The following CD200 variants were observed in gnomAD, a reference collection of about 807,000 sequenced individuals.
CD200 encodes the protein CD200 molecule, also known as OX-2 membrane glycoprotein.
A neutral mutation model predicts 30.9 loss-of-function variants in CD200; 15 were observed. That is an observed-to-expected ratio of 0.49 (90% CI 0.32 to 0.75). The LOEUF is 0.75. Ranked by LOEUF, CD200 falls within the 30% of genes least tolerant of loss-of-function variation. CD200 has a pLI of 0.03. For synonymous variants in CD200, 134 were observed against 126.2 expected (o/e 1.06, Z -0.41); for missense variants, 262 against 324.2 (o/e 0.81, Z 1.47).
chr3:112,337,907 T>C lies in CD200; in HGVS notation c.13-2995T>C, dbSNP rs562288495. Among the ~76,000 whole-genome samples the C allele has an allele frequency of 1.4e-4, 22 of 152,322 alleles. No homozygotes were observed. The East Asian group carries it at 4.2e-3, about 29-fold the overall frequency. ...ATATCCTCCCATATATATAAACTCA[T>C]CTCTTGATTATTTATAATTTTAATA... On this transcript the variant is annotated intron_variant, in intron 1 of 5. Coordinates refer to ENST00000315711, the MANE Select transcript of CD200 (RefSeq NM_005944.7).
chr3:112,352,391 T>A (rs1194782609), intron 5 of CD200, among the ~76,000 whole-genome samples: 2 of 152,328 alleles, frequency 1.3e-5, no homozygotes, highest in East Asian at 3.9e-4. Flanking sequence ...ACTTTTCTTT[T>A]CTTTCTCTTT....
intron 3 of CD200, among the ~76,000 whole-genome samples, chr3:112,346,772 C>CTT (rs2081405285): frequency 6.6e-6 from 1 of 152,196 alleles, no homozygotes; most frequent in East Asian, 1.9e-4. Context: ...GACAAGTTTA[C>CTT]ATCTGCTTAG....
chr3:112,336,263 G>A (rs2081113453), intron 1 of CD200, among the ~76,000 whole-genome samples: 2 of 152,010 alleles, frequency 1.3e-5, no homozygotes, highest in African/African-American at 4.8e-5. Context: ...TTAAAATTGA[G>A]TGGCTCCCAT....
rs745900406 is a variant in CD200, at chr3:112,347,772, G to T, written c.636G>T (p.Val212=). ...CTAAGAATCAGGTGGGGAAGGAGGT[G>T]ATCTGCCAGGTGCTGCACCTGGGGA... ...KDPKNQVGKE[V]ICQVLHLGTV... Residue 212 remains valine (V), a synonymous_variant, in exon 4 of 6, where the codon GTG becomes GTT. Transcript: ENST00000315711. The T allele has an allele frequency of 1.2e-6, 2 of 1,613,918 alleles. No individual in the cohort carries two copies. Among genetic ancestry groups the T allele is most frequent in the Non-Finnish European group, 8.5e-7 (1 of 1,179,922 alleles).
At chr3:112,348,879 T>C (rs897637935) in intron 4 of CD200, among the ~76,000 whole-genome samples, 1 of 151,330 alleles carries the variant, frequency 6.6e-6, no homozygotes, top group African/African-American at 2.4e-5. Context: ...AAGAATGTCT[T>C]TTTTTTTTCC....
intron 2 of CD200, among the ~76,000 whole-genome samples, chr3:112,342,028 C>T (rs2081249807): frequency 6.6e-6 from 1 of 152,020 alleles, no homozygotes; most frequent in South Asian, 2.1e-4. Flanking sequence ...TTTACTCAGC[C>T]TTCTTTTTTT....
chr3:112,349,975 C>T (rs967296545), intron 5 of CD200, 156 bp downstream of exon 5: 14 of 985,104 alleles, frequency 1.4e-5, no homozygotes, highest in South Asian at 4.7e-5. Context: ...TTTTAAAATG[C>T]GTCGGGGCAT....
At chr3:112,342,394 T>C (rs1226150040) in intron 2 of CD200, among the ~76,000 whole-genome samples, 127 of 63,356 alleles carry the variant, frequency 2.0e-3, no homozygotes, top group African/African-American at 3.2e-3. Flanking sequence ...TCTTTCTTTC[T>C]TTCTTTCTTT....
At chr3:112,336,059 C>A in intron 1 of CD200, 1 of 1,247,430 alleles carries the variant, frequency 8.0e-7, no homozygotes, top group Non-Finnish European at 1.2e-6. Context: ...TGGTTAGTAA[C>A]TTCTCTTGCT....
intron 1 of CD200, among the ~76,000 whole-genome samples, chr3:112,335,115 T>C (rs563391195): frequency 6.6e-6 from 1 of 152,288 alleles, no homozygotes; most frequent in South Asian, 2.1e-4. Context: ...TGAGGAAATA[T>C]TTGGCCTGAT....
At chr3:112,358,628 G>T (rs900044235) in intron 5 of CD200, among the ~76,000 whole-genome samples, 4 of 152,172 alleles carry the variant, frequency 2.6e-5, no homozygotes, top group Admixed American at 6.5e-5. Context: ...TGTATAAATG[G>T]ATTTCCAGGA....
In CD200 at chr3:112,342,365, C is replaced by A. The variant is rs896600939; in HGVS notation, c.94+1382C>A. ...TCTTTCTTTCTTTCTTTCTTTCTTT[C>A]TTTCTTTCTTTCTTTCTTTCTTTCT... is the stretch of plus-strand genomic sequence containing the variant. On this transcript the variant is annotated intron_variant, in intron 2 of 5. Coordinates refer to ENST00000315711, the MANE Select transcript of CD200 (RefSeq NM_005944.7). 3.4e-4 allele frequency among the ~76,000 whole-genome samples: 9 copies of A among 26,852 alleles called. 1 individual carries two copies. The highest frequency in any genetic ancestry group is 6.9e-4 in the Non-Finnish European group (9 of 13,004). 17.6% of individuals were successfully genotyped at this position (26,852 alleles called of 152,430 possible).
chr3:112,335,943 ACT>A (rs1409292343), intron 1 of CD200: 1 of 1,608,024 alleles, frequency 6.2e-7, no homozygotes, highest in African/African-American at 1.3e-5. Flanking sequence ...CAAACCACAG[ACT>A]CTGACCAGGA....
At chr3:112,355,757 C>T (rs1048737730) in intron 5 of CD200, among the ~76,000 whole-genome samples, 3 of 151,816 alleles carry the variant, frequency 2.0e-5, no homozygotes, top group African/African-American at 7.3e-5. Flanking sequence ...ATTTCAGCAG[C>T]CCAGATGCAG....
intron 2 of CD200, among the ~76,000 whole-genome samples, chr3:112,342,014 C>G (rs2081249492): frequency 6.6e-6 from 1 of 152,054 alleles, no homozygotes; most frequent in Non-Finnish European, 1.5e-5. Flanking sequence ...GGGGGAGTTG[C>G]TTGTTTACTC....
upstream of CD200, chr3:112,332,792 G>T: frequency 6.6e-6 from 1 of 152,454 alleles, no homozygotes; most frequent in Non-Finnish European, 1.4e-5. Flanking sequence ...AAAAAAAAAA[G>T]TCCATTGGTT....
At chr3:112,355,450 T>C (rs1041615708) in intron 5 of CD200, among the ~76,000 whole-genome samples, 1 of 152,212 alleles carries the variant, frequency 6.6e-6, no homozygotes, top group Non-Finnish European at 1.5e-5. Context: ...TCCTACCTTT[T>C]CATAGAGGAA....
At chr3:112,355,382 A>T (rs541361243) in intron 5 of CD200, among the ~76,000 whole-genome samples, 11 of 152,330 alleles carry the variant, frequency 7.2e-5, no homozygotes, top group African/African-American at 2.6e-4. Context: ...CTATAATATT[A>T]CAAAAACTTT....
intron 1 of CD200, among the ~76,000 whole-genome samples, chr3:112,336,457 G>T (rs1298225415): frequency 6.6e-6 from 1 of 152,012 alleles, no homozygotes; most frequent in Admixed American, 6.6e-5. Flanking sequence ...TAAGGAAAAT[G>T]AATTCCAGCA....
Sources: allele counts gnomAD v4.1 joint callset (sites outside exome capture counted in the v4.1 genomes callset), GRCh38; gene constraint gnomAD v4.1.1; transcripts MANE v1.5; gene names NCBI Gene and HGNC (gene_info 2026-07-23, HGNC 2026-07-21).